Variants in FRMD1 observed in about 807,000 individuals in gnomAD.
FRMD1 encodes the protein FERM domain-containing protein 1.
FRMD1 carries 51 observed loss-of-function variants against 54.9 expected under a neutral mutation model. That is an observed-to-expected ratio of 0.93 (90% CI 0.74 to 1.17). The LOEUF (loss-of-function observed/expected upper bound fraction) is 1.17, where lower values mean the gene tolerates loss of function less well. Ranked by LOEUF, FRMD1 falls within the 50% of genes most tolerant of loss-of-function variation. The pLI is 0.00. For synonymous variants in FRMD1, 324 were observed against 306.4 expected (o/e 1.06, Z -0.60); for missense variants, 729 against 743.0 (o/e 0.98, Z 0.22).
At chr6:168,075,862 TTTCC>T (rs2115012360) in intron 1 of FRMD1, 445 of 1,416,704 alleles carry the variant, frequency 3.1e-4, no homozygotes, top group East Asian at 9.8e-4. Flanking sequence ...CGTGTCCACA[TTTCC>T]GGTGCCCGGT....
chr6:168,088,170 C>T (rs758698279), intron 1 of FRMD1, among the ~76,000 whole-genome samples: 57 of 152,306 alleles, frequency 3.7e-4, no homozygotes, highest in Non-Finnish European at 5.9e-4. Context: ...TGGTGGGGGA[C>T]GTCAGGGCCC....
At chr6:168,057,452 C>A in intron 10 of FRMD1, 113 bp from the exon 11 acceptor site, 1 of 1,496,546 alleles carries the variant, frequency 6.7e-7, no homozygotes, top group East Asian at 2.4e-5. Context: ...AATGCCCACC[C>A]TGCGCCGCAG....
rs142035698 is a variant in FRMD1, at chr6:168,062,309, C to T, written c.871-328G>A. Among the ~76,000 whole-genome samples the T allele has an allele frequency of 5.7e-3, 862 of 152,348 alleles. 7 individuals carry two copies. Among genetic ancestry groups the T allele is most frequent in the African/African-American group, 0.02 (818 of 41,582 alleles). ...CCCACAGTCACTGCCCTTTTATCCCCGGCACCCGGGCTGTGGGGTGACCCT... is the reference window on the plus strand; with the variant it reads ...CCCACAGTCACTGCCCTTTTATCCCTGGCACCCGGGCTGTGGGGTGACCCT... On this transcript the variant is annotated intron_variant, in intron 7 of 10. Transcript: ENST00000283309.
rs372717238 is a variant in FRMD1 at position 168,078,751 on chromosome 6, C to T, written c.213+131G>A. ...CTCCTCACCCCCATGGCTCTGTTTA[C>T]TCCCAAGGCCATCCAGGGCCCTGCT... is the stretch of plus-strand genomic sequence containing the variant. On this transcript the variant is annotated intron_variant, in intron 1 of 10. Transcript: ENST00000283309. 473 of 1,123,802 alleles carry T rather than the reference C, an allele frequency of 4.2e-4. 6 individuals carry two copies. The African/African-American group carries it at 9.3e-3, about 22-fold the overall frequency. 69.6% of individuals were successfully genotyped at this position (1,123,802 alleles called of 1,614,324 possible). A position where few individuals can be genotyped will look rare whatever the true frequency, so the allele number is the denominator to read the frequency against.
chr6:168,071,924 C>T (rs1031979163), intron 2 of FRMD1, among the ~76,000 whole-genome samples: 1 of 152,236 alleles, frequency 6.6e-6, no homozygotes, highest in Non-Finnish European at 1.5e-5. Context: ...TCCTGCCTCC[C>T]GGGCCTCCCC....
At chr6:168,068,890 G>A (rs907805439) in intron 2 of FRMD1, among the ~76,000 whole-genome samples, 15 of 152,240 alleles carry the variant, frequency 9.9e-5, no homozygotes, top group Admixed American at 2.6e-4. Context: ...AGGGCCGGGT[G>A]CCTGGCTCAG....
intron 4 of FRMD1, chr6:168,065,300 C>A (rs1458660591): frequency 1.5e-6 from 2 of 1,301,070 alleles, no homozygotes; most frequent in South Asian, 2.3e-5. Flanking sequence ...TGAGGCTCCA[C>A]CTGCCGAGGT....
rs1056681385 is a variant in FRMD1, at chr6:168,087,686, G to A, written c.-11-8662C>T. 3.9e-5 allele frequency among the ~76,000 whole-genome samples: 6 copies of A among 152,236 alleles called. No homozygotes were observed. In the East Asian group the frequency reaches 1.2e-3, roughly 29 times the overall value. The stretch of plus-strand genomic sequence containing the variant: ...GGCGTGTGGAGCATGTGAGATGTGA[G>A]GACATCCCACTCCCAGGCTCTCAGG... On this transcript the variant is annotated intron_variant, in intron 1 of 12. Coordinates refer to the FRMD1 transcript ENST00000644440.
intron 9 of FRMD1, among the ~76,000 whole-genome samples, chr6:168,060,420 C>T (rs1265044140): frequency 3.3e-5 from 5 of 151,954 alleles, no homozygotes; most frequent in Non-Finnish European, 7.4e-5. Flanking sequence ...GGAGGGGCTC[C>T]TGAGATGGGC....
At chr6:168,072,929 A>G (rs1189598553) in intron 2 of FRMD1, among the ~76,000 whole-genome samples, 2 of 152,188 alleles carry the variant, frequency 1.3e-5, no homozygotes, top group Non-Finnish European at 2.9e-5. Context: ...ACTGTGATTA[A>G]AAGTGGGGCC....
In FRMD1 at chr6:168,059,966, G is replaced by T. The variant is rs1799627803; in HGVS notation, c.1343-778C>A. ...GACATGAGTCTAACCCAGGCTTTCT[G>T]ATGGGAGGGAAGCTGGTAGGACAGG... On this transcript the variant is annotated intron_variant, in intron 9 of 10. Coordinates refer to ENST00000283309, the MANE Select transcript of FRMD1 (RefSeq NM_024919.6). The surrounding 1 kb of genome is among the most constrained non-coding windows in gnomAD (Gnocchi z 4.4). Among the ~76,000 whole-genome samples, 1 of 152,048 alleles carries T rather than the reference G, an allele frequency of 6.6e-6. No homozygotes were observed. The highest frequency in any genetic ancestry group is 2.4e-5 in the African/African-American group (1 of 41,462).
chr6:168,075,318 G>A lies in FRMD1; in HGVS notation c.231C>T (p.Arg77=), dbSNP rs1441167271. Residue 77 remains arginine (R), a synonymous_variant, in exon 2 of 11, where the codon CGC becomes CGT. Transcript: ENST00000283309. ...RLAVGVKATG[R]ELFQQVCNVA... ...CGTTGCACACTTGCTGGAAAAGCTC[G>A]CGGCCAGTAGCCTTCACCTGCAAAA... 1.2e-6 allele frequency: 2 copies of A among 1,613,024 alleles called. No individual in the cohort carries two copies. The highest frequency in any genetic ancestry group is 1.7e-6 in the Non-Finnish European group (2 of 1,179,972).
At chr6:168,082,830 C>T (rs1387022563), upstream of FRMD1, among the ~76,000 whole-genome samples, 3 of 152,206 alleles carry the variant, frequency 2.0e-5, no homozygotes, top group Non-Finnish European at 4.4e-5. Context: ...TCTGCCCAAG[C>T]GGATAGTGCA....
At chr6:168,079,841 G>T (rs377761284), upstream of FRMD1, among the ~76,000 whole-genome samples, 2 of 152,214 alleles carry the variant, frequency 1.3e-5, no homozygotes, top group Non-Finnish European at 1.5e-5. Flanking sequence ...GACATCTCCC[G>T]CAGGGCCTGG....
At chr6:168,073,300 T>C (rs921349706) in intron 2 of FRMD1, among the ~76,000 whole-genome samples, 1 of 151,810 alleles carries the variant, frequency 6.6e-6, no homozygotes, top group African/African-American at 2.4e-5. Flanking sequence ...CTCTCCCTGC[T>C]CCCCACCCTG....
At chr6:168,085,398 G>A (rs532813619), upstream of FRMD1, among the ~76,000 whole-genome samples, 90 of 152,320 alleles carry the variant, frequency 5.9e-4, 1 homozygote, top group African/African-American at 2.0e-3. Flanking sequence ...ACCTTGTGGC[G>A]GGGACATCGG....
rs933813583 is a variant in FRMD1, at chr6:168,079,192, C to A, written c.-98G>T. On this transcript the variant is annotated 5_prime_UTR_variant, in exon 1 of 11. Transcript: ENST00000283309. The stretch of plus-strand genomic sequence containing the variant: ...CTTTCCGGGACCCGCCCTTGCCGAG[C>A]TTCTCACTGGGAAGGGAATTGAGAG... The A allele has an allele frequency of 1.3e-5, 19 of 1,425,394 alleles. No individual in the cohort carries two copies. In the African/African-American group the frequency reaches 2.7e-4, roughly 20 times the overall value. The allele number at this position is 1,425,394 out of a possible 1,614,324, so 88.3% of individuals were successfully genotyped here. A position where few individuals can be genotyped will look rare whatever the true frequency, so the allele number is the denominator to read the frequency against.
chr6:168,084,815 A>T (rs1336720875), upstream of FRMD1, among the ~76,000 whole-genome samples: 3 of 152,238 alleles, frequency 2.0e-5, no homozygotes, highest in African/African-American at 7.2e-5. Flanking sequence ...CATGGTCGAG[A>T]GGTCCCGCCT....
rs558803401 is a variant in FRMD1, at chr6:168,063,641, C to T, written c.764G>A (p.Arg255Gln). 50 of 1,613,558 alleles carry T rather than the reference C, an allele frequency of 3.1e-5. No homozygotes were observed. In the Middle Eastern group the frequency reaches 5.0e-4, roughly 16 times the overall value. Reference sequence around the variant, plus strand: ...GAAGTGCACGGGCACGTCCTCCAGCCGGCAGGCCTCCTGGATGAAGCACAG... The same window carrying T: ...GAAGTGCACGGGCACGTCCTCCAGCTGGCAGGCCTCCTGGATGAAGCACAG... ...AMLCFIQEAC[R>Q]LEDVPVHFFR... The change falls in exon 6 of 11, where the codon CGG becomes CAG. Residue 255 changes from arginine to glutamine, a missense_variant. By Grantham distance (43) the Arg-to-Gln change is conservative (BLOSUM62 1). Coordinates refer to ENST00000283309, the MANE Select transcript of FRMD1 (RefSeq NM_024919.6).
Sources: gnomAD v4.1 joint callset for allele counts (sites outside exome capture counted in the v4.1 genomes callset) on GRCh38, gnomAD v4.1.1 for gene constraint, Gnocchi (gnomAD v3.1) non-coding constraint, MANE v1.5 for transcripts, NCBI Gene and HGNC (gene_info 2026-07-23, HGNC 2026-07-21) for gene names.